CNIH3: variants seen among roughly 807,000 people sequenced by gnomAD.
CNIH3 encodes protein cornichon homolog 3.
Under a neutral mutation model 24.1 loss-of-function variants are expected in CNIH3, and 14 were observed. That is an observed-to-expected ratio of 0.58 (90% confidence interval 0.38 to 0.91). The LOEUF (loss-of-function observed/expected upper bound fraction) is 0.91, where lower values mean the gene tolerates loss of function less well. CNIH3 is among the 40% of genes least tolerant of loss of function. The pLI, the probability that CNIH3 is intolerant of heterozygous loss-of-function variation, is 0.00. For missense variants in CNIH3, 178 were observed against 196.8 expected (o/e 0.90, Z 0.57); for synonymous variants, 68 against 73.8 (o/e 0.92, Z 0.40).
chr1:224,579,054 A>G (rs995062737), intron 4 of CNIH3, among the ~76,000 whole-genome samples: 3 of 142,992 alleles, frequency 2.1e-5, no homozygotes, highest in Non-Finnish European at 4.5e-5. Context: ...TGAACTGATC[A>G]TGTTTCTTTT....
rs1198415233 is a variant in CNIH3 at position 224,739,648 on chromosome 1, C to T, written c.*292C>T. Reference sequence around the variant, plus strand: ...GGGAGTAGGTGACGAAACACTAGACCTCTCCTGAGAGAGAATTGCTGCTTC... The same window carrying T: ...GGGAGTAGGTGACGAAACACTAGACTTCTCCTGAGAGAGAATTGCTGCTTC... On this transcript the variant is annotated 3_prime_UTR_variant, in exon 6 of 6. Coordinates refer to ENST00000272133, the MANE Select transcript of CNIH3 (RefSeq NM_152495.2). 1.8e-5 allele frequency: 9 copies of T among 503,082 alleles called. No homozygotes were observed. Among genetic ancestry groups the T allele is most frequent in the Non-Finnish European group, 2.7e-5 (8 of 290,918 alleles). 31.2% of individuals were successfully genotyped at this position (503,082 alleles called of 1,614,324 possible).
intron 2 of CNIH3, among the ~76,000 whole-genome samples, chr1:224,528,876 G>A (rs1678948564): frequency 6.6e-6 from 1 of 152,162 alleles, no homozygotes; most frequent in African/African-American, 2.4e-5. Context: ...TACCCAACTT[G>A]CGCGTGGTCA....
chr1:224,665,596 C>T (rs757979932), intron 1 of CNIH3, among the ~76,000 whole-genome samples: 2 of 152,082 alleles, frequency 1.3e-5, no homozygotes, highest in East Asian at 3.8e-4. Context: ...CTGCAATCCT[C>T]GAGGCACTTG....
intron 1 of CNIH3, among the ~76,000 whole-genome samples, chr1:224,497,503 C>T (rs1456440087): frequency 6.6e-6 from 1 of 152,218 alleles, no homozygotes; most frequent in Non-Finnish European, 1.5e-5. Context: ...ATCATCTTCA[C>T]TGTTCATCTG....
intron 4 of CNIH3, among the ~76,000 whole-genome samples, chr1:224,573,400 G>A (rs547323471): frequency 6.6e-6 from 1 of 152,270 alleles, no homozygotes; most frequent in African/African-American, 2.4e-5. Context: ...GTCTGACTAG[G>A]CATAGAGGAA....
At chr1:224,579,411 T>C (rs1681177082) in intron 4 of CNIH3, among the ~76,000 whole-genome samples, 1 of 152,196 alleles carries the variant, frequency 6.6e-6, no homozygotes, top group Admixed American at 6.5e-5. Context: ...ACTAGGCTGG[T>C]CTGGCTGAAG....
chr1:224,737,289 C>G (rs993556777), intron 5 of CNIH3, among the ~76,000 whole-genome samples: 1 of 152,062 alleles, frequency 6.6e-6, no homozygotes. Flanking sequence ...GTTCTGTAAC[C>G]GAGTGTGTTC....
At chr1:224,566,031 G>GTT (rs11299803) in intron 3 of CNIH3, among the ~76,000 whole-genome samples, 1 of 146,680 alleles carries the variant, frequency 6.8e-6, no homozygotes, top group Non-Finnish European at 1.5e-5. Flanking sequence ...CTGGCTTTCT[G>GTT]TTTTTTTTTT....
chr1:224,592,635 A>T (rs1681807692), downstream of CNIH3, among the ~76,000 whole-genome samples: 1 of 152,214 alleles, frequency 6.6e-6, no homozygotes, highest in Non-Finnish European at 1.5e-5. Flanking sequence ...TCAGAAAAAA[A>T]TGGCATCACA....
At chr1:224,690,285 C>A (rs1453151839) in intron 3 of CNIH3, among the ~76,000 whole-genome samples, 3 of 152,232 alleles carry the variant, frequency 2.0e-5, no homozygotes, top group Non-Finnish European at 4.4e-5. Context: ...ACTGCAACCT[C>A]TGCCTCCCAG....
intron 1 of CNIH3, among the ~76,000 whole-genome samples, chr1:224,638,038 T>G (rs969233409): frequency 6.6e-6 from 1 of 152,232 alleles, no homozygotes; most frequent in Non-Finnish European, 1.5e-5. Flanking sequence ...AAAGCCTGCT[T>G]TTGAGTGTAA....
chr1:224,616,974 G>T lies in CNIH3; in HGVS notation c.-201G>T, dbSNP rs545710031. On this transcript the variant is annotated 5_prime_UTR_variant, in exon 1 of 6. Coordinates refer to ENST00000272133, the MANE Select transcript of CNIH3 (RefSeq NM_152495.2). ...TTTCCTGTCTTCGCCGGAGGGCCGG[G>T]TCTGGGGTCGCCGGAGCCTGCGGGA... The T allele has an allele frequency of 1.6e-5, 23 of 1,414,372 alleles. 1 individual carries two copies. The Admixed American group carries it at 6.4e-4, about 39-fold the overall frequency. 87.6% of individuals were successfully genotyped at this position (1,414,372 alleles called of 1,614,324 possible).
intron 3 of CNIH3, among the ~76,000 whole-genome samples, chr1:224,607,200 A>G (rs1035167788): frequency 2.0e-5 from 3 of 152,160 alleles, no homozygotes; most frequent in East Asian, 1.9e-4. Context: ...GACCTTTCCA[A>G]TGGTAAGTGC....
At chr1:224,463,808 T>TTTTTTTTTTG (rs1158147181) in intron 1 of CNIH3, among the ~76,000 whole-genome samples, 1 of 72,860 alleles carries the variant, frequency 1.4e-5, no homozygotes, top group Non-Finnish European at 2.8e-5. Flanking sequence ...TTTTTTTTTT[T>TTTTTTTTTTG]TAGAGGGAGT....
At chr1:224,471,271 C>T (rs1193175776) in intron 1 of CNIH3, among the ~76,000 whole-genome samples, 1 of 152,184 alleles carries the variant, frequency 6.6e-6, no homozygotes, top group Non-Finnish European at 1.5e-5. Context: ...CTCATGTGAT[C>T]TGCCCGCCTT....
intron 1 of CNIH3, among the ~76,000 whole-genome samples, chr1:224,456,679 G>A (rs921017825): frequency 1.3e-5 from 2 of 152,188 alleles, no homozygotes; most frequent in Non-Finnish European, 1.5e-5. Context: ...CGAAAGTGCC[G>A]GGATTACAGG....
intron 1 of CNIH3, chr1:224,434,896 C>T (rs1674572758): frequency 2.0e-6 from 2 of 985,396 alleles, no homozygotes; most frequent in South Asian, 4.7e-5. Flanking sequence ...TCACCCAGCA[C>T]GTGCATCGGG....
intron 1 of CNIH3, among the ~76,000 whole-genome samples, chr1:224,623,246 C>T (rs879349379): frequency 3.3e-5 from 5 of 152,132 alleles, no homozygotes; most frequent in Admixed American, 6.5e-5. Context: ...CTCAATGCAT[C>T]GCTCCTCTAG....
chr1:224,670,319 C>A (rs1685803272), intron 1 of CNIH3, among the ~76,000 whole-genome samples: 1 of 152,174 alleles, frequency 6.6e-6, no homozygotes, highest in African/African-American at 2.4e-5. Context: ...GGCTGCTGCT[C>A]AGGTGTGGAG....
Sources: allele counts gnomAD v4.1 joint callset (sites outside exome capture counted in the v4.1 genomes callset), GRCh38; gene constraint gnomAD v4.1.1; transcripts MANE v1.5; gene names NCBI Gene and HGNC (gene_info 2026-07-23, HGNC 2026-07-21).